SMYD3: variants seen among roughly 807,000 people sequenced by gnomAD.
SMYD3 encodes histone-lysine N-methyltransferase SMYD3.
SMYD3 carries 36 observed loss-of-function variants against 57.7 expected under a neutral mutation model. The ratio of observed to expected loss-of-function variants is 0.62; its 90% confidence interval spans 0.48 to 0.82. The LOEUF (loss-of-function observed/expected upper bound fraction) is 0.82. Among genes scored for constraint, SMYD3 ranks in the 40% least tolerant of loss-of-function variants. The pLI, the probability that SMYD3 is intolerant of heterozygous loss-of-function variation, is 0.00. For synonymous variants in SMYD3, 211 were observed against 195.0 expected (o/e 1.08, Z -0.68); for missense variants, 515 against 538.8 (o/e 0.96, Z 0.44).
At chr1:246,318,040 T>A (rs2148645336) in intron 5 of SMYD3, among the ~76,000 whole-genome samples, 1 of 152,328 alleles carries the variant, frequency 6.6e-6, no homozygotes, top group South Asian at 2.1e-4. Flanking sequence ...ATATTAGTGT[T>A]TCTTTTTGTC....
At chr1:245,839,595 T>C (rs570979679) in intron 10 of SMYD3, among the ~76,000 whole-genome samples, 1 of 152,132 alleles carries the variant, frequency 6.6e-6, no homozygotes, top group African/African-American at 2.4e-5. Context: ...GGAGGGTAAT[T>C]AAAATGTTCC....
chr1:246,436,250 A>G (rs2067372204), intron 1 of SMYD3, among the ~76,000 whole-genome samples: 1 of 152,020 alleles, frequency 6.6e-6, no homozygotes, highest in African/African-American at 2.4e-5. Context: ...ATCTTCCTTC[A>G]TGGAAACATG....
At chr1:246,493,475 G>C (rs767109583) in intron 1 of SMYD3, among the ~76,000 whole-genome samples, 1 of 152,126 alleles carries the variant, frequency 6.6e-6, no homozygotes, top group African/African-American at 2.4e-5. Context: ...TACTTACCCA[G>C]GCAGTAAAAA....
At chr1:245,793,844 C>A (rs1234880633) in intron 10 of SMYD3, among the ~76,000 whole-genome samples, 1 of 152,192 alleles carries the variant, frequency 6.6e-6, no homozygotes, top group Non-Finnish European at 1.5e-5. Context: ...TCCACAAATG[C>A]TTCATCTGCC....
intron 5 of SMYD3, among the ~76,000 whole-genome samples, chr1:246,228,866 G>A (rs976131862): frequency 5.3e-5 from 8 of 151,896 alleles, no homozygotes; most frequent in Non-Finnish European, 7.4e-5. Flanking sequence ...ATTGCTTTAA[G>A]AAGTTCCCAT....
intron 5 of SMYD3, among the ~76,000 whole-genome samples, chr1:246,322,032 T>C (rs952082302): frequency 1.3e-5 from 2 of 152,092 alleles, no homozygotes; most frequent in Non-Finnish European, 2.9e-5. Context: ...GCTAGGACTA[T>C]AGGAGTGAGC....
intron 3 of SMYD3, among the ~76,000 whole-genome samples, chr1:246,331,981 C>T (rs2065469436): frequency 6.6e-6 from 1 of 152,184 alleles, no homozygotes; most frequent in African/African-American, 2.4e-5. Context: ...CGGCTTATTC[C>T]CACTGCCTGG....
intron 1 of SMYD3, among the ~76,000 whole-genome samples, chr1:246,378,756 T>TA (rs1558433665): frequency 2.4e-4 from 9 of 37,342 alleles, no homozygotes; most frequent in Admixed American, 6.0e-4. Flanking sequence ...ATATAATATA[T>TA]TTAATATATT....
intron 10 of SMYD3, among the ~76,000 whole-genome samples, chr1:245,806,363 C>A (rs1017375648): frequency 6.6e-6 from 1 of 152,128 alleles, no homozygotes; most frequent in African/African-American, 2.4e-5. Flanking sequence ...CTTACTTAAT[C>A]CTTATCACAA....
chr1:246,045,369 G>A (rs1361647878), intron 5 of SMYD3, among the ~76,000 whole-genome samples: 1 of 152,024 alleles, frequency 6.6e-6, no homozygotes, highest in Non-Finnish European at 1.5e-5. Flanking sequence ...CTCACAAAAA[G>A]AAGAAATGGG....
At chr1:246,263,348 C>T (rs200298622) in intron 5 of SMYD3, among the ~76,000 whole-genome samples, 1 of 126,970 alleles carries the variant, frequency 7.9e-6, no homozygotes, top group East Asian at 2.6e-4. Flanking sequence ...ATGTATGTGA[C>T]CTGGGCACAT....
chr1:245,957,586 G>A (rs1263743981), intron 5 of SMYD3, among the ~76,000 whole-genome samples: 3 of 152,102 alleles, frequency 2.0e-5, no homozygotes, highest in South Asian at 2.1e-4. Flanking sequence ...TCTTACACCC[G>A]CTTGGATTCA....
intron 1 of SMYD3, among the ~76,000 whole-genome samples, chr1:246,366,425 A>G (rs1030044967): frequency 1.3e-5 from 2 of 152,216 alleles, no homozygotes; most frequent in African/African-American, 4.8e-5. Context: ...TTGATATGTT[A>G]CTGCTTTTCT....
intron 5 of SMYD3, among the ~76,000 whole-genome samples, chr1:246,267,121 G>A (rs945107543): frequency 2.0e-5 from 3 of 151,988 alleles, no homozygotes; most frequent in African/African-American, 7.3e-5. Flanking sequence ...ATATTTGCTT[G>A]CCTAATTAAA....
At chr1:246,238,660 T>C (rs1159165523) in intron 5 of SMYD3, among the ~76,000 whole-genome samples, 1 of 152,196 alleles carries the variant, frequency 6.6e-6, no homozygotes, top group East Asian at 1.9e-4. Flanking sequence ...TGCTTTTCTT[T>C]ACTTTACCTG....
intron 5 of SMYD3, among the ~76,000 whole-genome samples, chr1:246,138,779 T>C (rs1157981356): frequency 1.3e-5 from 2 of 152,150 alleles, no homozygotes; most frequent in Non-Finnish European, 2.9e-5. Flanking sequence ...TAAATTTCTT[T>C]GTACCGCTCT....
rs536669385 is a variant in SMYD3, at chr1:245,763,945, CACAT to C, written c.1185+92_1185+95del. 225 of 916,008 alleles carry C rather than the reference CACAT, an allele frequency of 2.5e-4. No individual in the cohort carries two copies. The African/African-American group carries it at 3.1e-3, about 12-fold the overall frequency. 56.7% of individuals were successfully genotyped at this position (916,008 alleles called of 1,614,324 possible). A position where few individuals can be genotyped will look rare whatever the true frequency, so the allele number is the denominator to read the frequency against. ...CTGGGCATGCGTGTGTATGCGTGCA[CACAT>C]ACATAGAGCTGCTAACAAATCACAA... On this transcript the variant is annotated intron_variant, in intron 11 of 11. Coordinates refer to ENST00000490107, the MANE Select transcript of SMYD3 (RefSeq NM_001167740.2).
chr1:246,400,483 G>T (rs978745603), intron 1 of SMYD3, among the ~76,000 whole-genome samples: 1 of 152,080 alleles, frequency 6.6e-6, no homozygotes, highest in African/African-American at 2.4e-5. Flanking sequence ...CAGTCCTCCC[G>T]CCCGAGCCTC....
intron 8 of SMYD3, among the ~76,000 whole-genome samples, chr1:245,887,908 G>A (rs1232751301): frequency 2.6e-5 from 4 of 152,152 alleles, no homozygotes; most frequent in Non-Finnish European, 5.9e-5. Flanking sequence ...GATTCAAGCA[G>A]GTTTGCTGAA....
Sources: allele counts gnomAD v4.1 joint callset (sites outside exome capture counted in the v4.1 genomes callset), GRCh38; gene constraint gnomAD v4.1.1; transcripts MANE v1.5; gene names NCBI Gene and HGNC (gene_info 2026-07-23, HGNC 2026-07-21).